NRXN1: variants seen among roughly 807,000 people sequenced by gnomAD.
NRXN1 encodes the protein neurexin 1.
A neutral mutation model predicts 150.9 loss-of-function variants in NRXN1; 39 were observed. That is an observed-to-expected ratio of 0.26 (90% CI 0.20 to 0.34). The LOEUF (loss-of-function observed/expected upper bound fraction) is 0.34. Among genes scored for constraint, NRXN1 ranks in the 10% least tolerant of loss-of-function variants. NRXN1 has a pLI of 1.00. For synonymous variants in NRXN1, 924 were observed against 757.0 expected (o/e 1.22, Z -3.62); for missense variants, 1,815 against 1,949.9 (o/e 0.93, Z 1.30).
At chr2:50,228,482 T>C (rs937560414) in intron 18 of NRXN1, among the ~76,000 whole-genome samples, 3 of 151,956 alleles carry the variant, frequency 2.0e-5, no homozygotes, top group Non-Finnish European at 4.4e-5. Context: ...CAGTTGTTAA[T>C]GTGGTAAGTT....
intron 5 of NRXN1, among the ~76,000 whole-genome samples, chr2:50,832,459 C>T (rs1191274656): frequency 2.6e-5 from 4 of 152,100 alleles, no homozygotes; most frequent in Non-Finnish European, 5.9e-5. Context: ...TCGAGATCCA[C>T]CTGGCCAACA....
At chr2:50,873,250 A>G (rs1678058607) in intron 5 of NRXN1, among the ~76,000 whole-genome samples, 1 of 151,866 alleles carries the variant, frequency 6.6e-6, no homozygotes, top group Non-Finnish European at 1.5e-5. Flanking sequence ...CTGGCATATA[A>G]TAACACTATA....
At chr2:50,328,906 T>C (rs2076564732) in intron 17 of NRXN1, among the ~76,000 whole-genome samples, 1 of 152,154 alleles carries the variant, frequency 6.6e-6, no homozygotes, top group Non-Finnish European at 1.5e-5. Context: ...ACACATCTTG[T>C]CTCTTGTTAT....
At chr2:50,743,555 T>C (rs912764004) in intron 5 of NRXN1, among the ~76,000 whole-genome samples, 1 of 152,168 alleles carries the variant, frequency 6.6e-6, no homozygotes, top group African/African-American at 2.4e-5. Flanking sequence ...CACATCAATT[T>C]TGTTTTCCAG....
In NRXN1 at chr2:50,347,491, C is replaced by T. The variant is rs1302420633; in HGVS notation, c.3365-110521G>A. On this transcript the variant is annotated intron_variant, in intron 17 of 22. Transcript: ENST00000401669. This position sits in a 1 kb window ranked among gnomAD's most constrained non-coding sequence, Gnocchi z 4.9. ...CAGACCCCATGGAATCCAGGCGCCC[C>T]TTCCCTCCATTCAGCCCCGGCCGGC... 4 of 1,075,148 alleles carry T rather than the reference C, an allele frequency of 3.7e-6. No individual in the cohort carries two copies. The highest frequency in any genetic ancestry group is 1.7e-5 in the African/African-American group (1 of 57,796). 66.6% of individuals were successfully genotyped at this position (1,075,148 alleles called of 1,614,324 possible). A position where few individuals can be genotyped will look rare whatever the true frequency, so the allele number is the denominator to read the frequency against.
At chr2:50,589,236 G>A (rs1316339781) in intron 8 of NRXN1, 3 of 152,446 alleles carry the variant, frequency 2.0e-5, no homozygotes, top group Admixed American at 2.0e-4. Context: ...CAGACAAAGA[G>A]GGGTGTTTGG....
rs139809991 is a variant in NRXN1 at position 50,992,577 on chromosome 2, G to A, written c.772+34925C>T. The stretch of plus-strand genomic sequence containing the variant: ...TATTATGACAATAAGCTGTTGGCAG[G>A]ACCTGAAAGAAATCAGGGAGGGCCT... On this transcript the variant is annotated intron_variant, in intron 2 of 22. Transcript: ENST00000401669. 3.3e-4 allele frequency among the ~76,000 whole-genome samples: 50 copies of A among 152,070 alleles called. 1 individual carries two copies. Among genetic ancestry groups the A allele is most frequent in the African/African-American group, 1.2e-3 (48 of 41,554 alleles).
At chr2:50,214,842 G>C (rs1188907556) in intron 18 of NRXN1, among the ~76,000 whole-genome samples, 1 of 151,890 alleles carries the variant, frequency 6.6e-6, no homozygotes, top group Non-Finnish European at 1.5e-5. Flanking sequence ...TTCACATCCT[G>C]TTTCATTCGA....
At chr2:50,103,864 A>AT (rs1405647983) in intron 18 of NRXN1, among the ~76,000 whole-genome samples, 5 of 56,046 alleles carry the variant, frequency 8.9e-5, no homozygotes, top group Non-Finnish European at 1.4e-4. Flanking sequence ...GCAGCCATTG[A>AT]CCAAACAAAC....
chr2:50,401,730 A>G (rs975535775), intron 17 of NRXN1, among the ~76,000 whole-genome samples: 1 of 152,054 alleles, frequency 6.6e-6, no homozygotes, highest in African/African-American at 2.4e-5. Flanking sequence ...ACAAGAGCCT[A>G]TGGTTGGAAT....
chr2:50,226,371 T>C (rs1559128148), intron 18 of NRXN1, among the ~76,000 whole-genome samples: 1 of 151,926 alleles, frequency 6.6e-6, no homozygotes, highest in Non-Finnish European at 1.5e-5. Context: ...AATGTGCCAG[T>C]AGAATAATGA....
intron 5 of NRXN1, among the ~76,000 whole-genome samples, chr2:50,771,454 C>A (rs1344942456): frequency 1.3e-5 from 2 of 152,018 alleles, no homozygotes; most frequent in African/African-American, 4.8e-5. Flanking sequence ...AAAGTCAGGA[C>A]AGTGTGAGCT....
At chr2:50,597,658 A>C (rs986864020) in intron 8 of NRXN1, among the ~76,000 whole-genome samples, 27 of 152,218 alleles carry the variant, frequency 1.8e-4, no homozygotes, top group Non-Finnish European at 2.8e-4. Flanking sequence ...CCTGTTCTGC[A>C]TTCCTCTTTA....
At chr2:50,439,630 A>T (rs900543646) in intron 17 of NRXN1, among the ~76,000 whole-genome samples, 5 of 151,676 alleles carry the variant, frequency 3.3e-5, no homozygotes, top group African/African-American at 4.8e-5. Flanking sequence ...CACGGTGAAA[A>T]CCCATCTCTA....
chr2:50,391,338 A>C (rs1308677357), intron 17 of NRXN1, among the ~76,000 whole-genome samples: 1 of 152,170 alleles, frequency 6.6e-6, no homozygotes, highest in Non-Finnish European at 1.5e-5. Flanking sequence ...GGAATTGAAA[A>C]AAAAATAAAG....
At chr2:50,586,557 T>A (rs1234523185) in intron 8 of NRXN1, among the ~76,000 whole-genome samples, 3 of 150,408 alleles carry the variant, frequency 2.0e-5, no homozygotes, top group Admixed American at 1.3e-4. Context: ...GCAAGCCTTA[T>A]TCAATATATT....
At chr2:50,207,583 A>G (rs2062703280) in intron 18 of NRXN1, 1 of 165,098 alleles carries the variant, frequency 6.1e-6, no homozygotes, top group Non-Finnish European at 1.5e-5. Flanking sequence ...TTTGCTTATG[A>G]TTCCGTAGCT....
At chr2:50,434,409 C>T (rs368539305) in intron 17 of NRXN1, among the ~76,000 whole-genome samples, 35 of 152,104 alleles carry the variant, frequency 2.3e-4, no homozygotes, top group African/African-American at 8.0e-4. Flanking sequence ...TGGGTGGATT[C>T]CTCTCTTCAC....
intron 5 of NRXN1, among the ~76,000 whole-genome samples, chr2:50,767,082 G>A (rs1033365091): frequency 1.3e-4 from 19 of 151,984 alleles, no homozygotes; most frequent in African/African-American, 7.2e-5. Flanking sequence ...AAGGAGCCCC[G>A]TATGCTGAAT....
Sources: allele counts gnomAD v4.1 joint callset (sites outside exome capture counted in the v4.1 genomes callset), GRCh38; gene constraint gnomAD v4.1.1; non-coding constraint Gnocchi (gnomAD v3.1); transcripts MANE v1.5; gene names NCBI Gene and HGNC (gene_info 2026-07-23, HGNC 2026-07-21).